Variants in FKBP9 observed in about 807,000 individuals in gnomAD.
The protein encoded by FKBP9 is FKBP prolyl isomerase 9.
Under a neutral mutation model 55.6 loss-of-function variants are expected in FKBP9, and 27 were observed. The observed-to-expected ratio is 0.49, with a 90% CI of 0.36 to 0.67. The LOEUF is 0.67. FKBP9 is among the 30% of genes least tolerant of loss of function. The probability of loss-of-function intolerance (pLI) is 0.00; values close to 1 mark genes in which losing one functional copy is unlikely to be tolerated. For synonymous variants in FKBP9, 267 were observed against 296.5 expected, an observed-to-expected ratio of 0.90 and a Z score of 1.02; for missense variants, 539 against 742.8, an observed-to-expected ratio of 0.73 and a Z score of 3.19.
intron 1 of FKBP9, among the ~76,000 whole-genome samples, chr7:32,970,728 T>C (rs1190689898): frequency 6.6e-6 from 1 of 151,524 alleles, no homozygotes; most frequent in African/African-American, 2.4e-5. Context: ...TTGTTTTTTT[T>C]TCCCCCACAG....
chr7:33,004,021 C>T (rs562095725), intron 9 of FKBP9, among the ~76,000 whole-genome samples: 4 of 152,180 alleles, frequency 2.6e-5, no homozygotes, highest in African/African-American at 9.6e-5. Flanking sequence ...CCTTTCCCGT[C>T]GCAGTCAGTG....
intron 5 of FKBP9, 122 bp downstream of exon 5, chr7:32,980,675 A>T: frequency 7.0e-7 from 1 of 1,427,270 alleles, no homozygotes; most frequent in Non-Finnish European, 9.4e-7. Flanking sequence ...TTCATCTCTA[A>T]TACAAGTTTC....
intron 1 of FKBP9, among the ~76,000 whole-genome samples, chr7:32,972,237 T>C (rs1349631066): frequency 6.6e-6 from 1 of 152,176 alleles, no homozygotes; most frequent in Non-Finnish European, 1.5e-5. Flanking sequence ...TAAAGCTGAC[T>C]TGGGCACACA....
At chr7:33,001,824 T>A (rs1784941500) in intron 8 of FKBP9, 1 of 152,168 alleles carries the variant, frequency 6.6e-6, no homozygotes, top group Admixed American at 6.5e-5. Context: ...TTTACCATTG[T>A]ATTGTAGTCT....
intron 1 of FKBP9, among the ~76,000 whole-genome samples, chr7:32,972,013 A>G (rs1476853158): frequency 8.4e-5 from 1 of 11,916 alleles, no homozygotes; most frequent in African/African-American, 2.5e-4. Flanking sequence ...TGAAAAAAAT[A>G]TTTTTAAAGT....
At chr7:33,001,054 A>G (rs1784920163) in intron 8 of FKBP9, among the ~76,000 whole-genome samples, 1 of 150,360 alleles carries the variant, frequency 6.7e-6, no homozygotes, top group African/African-American at 2.5e-5. Flanking sequence ...TGGGATTATC[A>G]GTGTGAGCCA....
chr7:33,000,012 T>C (rs1784902322), intron 7 of FKBP9, 103 bp from the exon 8 acceptor site: 2 of 1,388,664 alleles, frequency 1.4e-6, no homozygotes, highest in South Asian at 2.5e-5. Context: ...GATTTGCATT[T>C]CTTTGGTAGA....
At position 32,980,459 on chromosome 7, in the gene FKBP9, G is replaced by T; in HGVS notation, c.799G>T (p.Val267Leu). Residue 267 changes from valine (V) to leucine (L), a missense_variant, in exon 5 of 10, where the codon GTA becomes TTA. Coordinates refer to ENST00000242209, the MANE Select transcript of FKBP9 (RefSeq NM_007270.5). ...KDSISIENKV[V>L]PENCERISQS... ...CAGCATTTCCATTGAGAACAAGGTA[G>T]TACCTGAAAACTGTGAGCGGATAAG... 1.9e-6 allele frequency: 3 copies of T among 1,613,886 alleles called. No homozygotes were observed. The highest frequency in any genetic ancestry group is 2.5e-6 in the Non-Finnish European group (3 of 1,179,870).
At chr7:32,988,741 T>G in intron 6 of FKBP9, 89 bp downstream of exon 6, 1 of 1,296,568 alleles carries the variant, frequency 7.7e-7, no homozygotes, top group Non-Finnish European at 1.1e-6. Context: ...TTCTTCTTTC[T>G]TTTTGAGATA....
chr7:32,999,694 A>G (rs943491669), intron 7 of FKBP9, among the ~76,000 whole-genome samples: 10 of 152,190 alleles, frequency 6.6e-5, no homozygotes, highest in Non-Finnish European at 1.5e-4. Context: ...TAAGTGGCAG[A>G]ACCAGGAATC....
At chr7:32,963,846 TCTAGGTTTCCAGGAAATAATCTG>T in intron 1 of FKBP9, 1 of 1,016,674 alleles carries the variant, frequency 9.8e-7, no homozygotes, top group Admixed American at 4.2e-5. Context: ...CTTTCTCACT[TCTAGGTTTCCAGGAAATAATCTG>T]ATGGGTCCTG....
At chr7:32,957,869 C>T (rs1783933069) in intron 1 of FKBP9, 75 bp downstream of exon 1, 1 of 1,119,168 alleles carries the variant, frequency 8.9e-7, no homozygotes, top group East Asian at 3.2e-5. Flanking sequence ...TTCCCTCCTG[C>T]CGGACCTCCC....
intron 2 of FKBP9, 62 bp from the exon 3 acceptor site, chr7:32,975,120 G>A: frequency 7.2e-7 from 1 of 1,392,562 alleles, no homozygotes; most frequent in South Asian, 1.2e-5. Flanking sequence ...CATCCTAGGT[G>A]TTTATTTATC....
intron 1 of FKBP9, among the ~76,000 whole-genome samples, chr7:32,965,815 AT>A (rs1562562937): frequency 0.014 from 89 of 6,466 alleles, 2 homozygotes; most frequent in African/African-American, 0.027. Context: ...AAAAAAAAAT[AT>A]ATATATATAT....
At chr7:32,985,162 TTTTC>T (rs1335161462) in intron 5 of FKBP9, among the ~76,000 whole-genome samples, 43 of 147,464 alleles carry the variant, frequency 2.9e-4, no homozygotes, top group South Asian at 4.4e-4. Context: ...ACTAATTTCT[TTTTC>T]TTTCTTTCTT....
chr7:32,962,559 T>C (rs1371071732), intron 1 of FKBP9, among the ~76,000 whole-genome samples: 1 of 151,988 alleles, frequency 6.6e-6, no homozygotes, highest in Non-Finnish European at 1.5e-5. Context: ...CTGCAGCCTC[T>C]GCTTCCTGGG....
intron 8 of FKBP9, among the ~76,000 whole-genome samples, chr7:33,000,956 T>A (rs1784918515): frequency 6.6e-6 from 1 of 151,976 alleles, no homozygotes; most frequent in Non-Finnish European, 1.5e-5. Context: ...AATTTTTTAT[T>A]TTTTAGAGAC....
intron 1 of FKBP9, among the ~76,000 whole-genome samples, chr7:32,967,040 C>A (rs1258483402): frequency 6.6e-6 from 1 of 152,122 alleles, no homozygotes; most frequent in Non-Finnish European, 1.5e-5. Context: ...GGCTTCCTGT[C>A]TGTAGGGTCA....
intron 6 of FKBP9, chr7:32,993,155 A>G (rs1449897161): frequency 4.3e-6 from 1 of 232,414 alleles, no homozygotes; most frequent in African/African-American, 2.2e-5. Context: ...TTATATTTGA[A>G]TTGATAAAAT....
Sources: gnomAD v4.1 joint callset for allele counts (sites outside exome capture counted in the v4.1 genomes callset) on GRCh38, gnomAD v4.1.1 for gene constraint, MANE v1.5 for transcripts, NCBI Gene and HGNC (gene_info 2026-07-23, HGNC 2026-07-21) for gene names.